The following NFIC variants were observed in gnomAD, a reference collection of about 807,000 sequenced individuals.
The protein encoded by NFIC is nuclear factor I C.
NFIC carries 12 observed loss-of-function variants against 54.4 expected under a neutral mutation model. The observed-to-expected ratio is 0.22, with a 90% CI of 0.14 to 0.36. The LOEUF is 0.36. Among genes scored for constraint, NFIC ranks in the 10% least tolerant of loss-of-function variants. NFIC has a pLI of 1.00. For synonymous variants in NFIC, 322 were observed against 319.2 expected, an observed-to-expected ratio of 1.01 and a Z score of -0.09; for missense variants, 575 against 718.2, an observed-to-expected ratio of 0.80 and a Z score of 2.28.
chr19:3,366,098 GA>G (rs1307094570), upstream of NFIC, among the ~76,000 whole-genome samples: 2 of 149,522 alleles, frequency 1.3e-5, no homozygotes, highest in African/African-American at 2.4e-5. Flanking sequence ...GGGGGGTGGG[GA>G]GGGGGGGCCT....
rs150281059 is a variant in NFIC at position 3,459,180 on chromosome 19, C to T, written c.1509+2545C>T. ...TTCGCTTCCCTCTGCCCCCTCCTCC[C>T]CCAAAGCCTGGGTGGGCGCGCCTTT... is the stretch of plus-strand genomic sequence containing the variant. On this transcript the variant is annotated intron_variant, in intron 10 of 10. Transcript: ENST00000443272. This position sits in a 1 kb window ranked among gnomAD's most constrained non-coding sequence, Gnocchi z 4.2. 7.6e-4 allele frequency among the ~76,000 whole-genome samples: 115 copies of T among 152,058 alleles called. No individual in the cohort carries two copies. The highest frequency in any genetic ancestry group is 2.7e-3 in the African/African-American group (112 of 41,484).
intron 2 of NFIC, among the ~76,000 whole-genome samples, chr19:3,408,086 C>T (rs1275488674): frequency 2.0e-5 from 3 of 152,072 alleles, no homozygotes; most frequent in Non-Finnish European, 4.4e-5. Context: ...GACGTGGCAG[C>T]CGGCAGAGCC....
chr19:3,452,666 G>C lies in NFIC; in HGVS notation c.1269G>C (p.Pro423=). The change falls in exon 8 of 11, where the codon CCG becomes CCC. Residue 423 remains proline, a splice_region_variant and synonymous_variant. Transcript: ENST00000443272. The surrounding 1 kb of genome is among the most constrained non-coding windows in gnomAD (Gnocchi z 5.3). ...ACDPASQQPG[P]LNGSGQLKMP... ...ACCCAGCCAGCCAGCAACCTGGACC[G>C]GTGAGTTGGGCGGGGCGCATTCGGG... 1.9e-6 allele frequency: 3 copies of C among 1,602,228 alleles called. No individual in the cohort carries two copies. The highest frequency in any genetic ancestry group is 2.6e-6 in the Non-Finnish European group (3 of 1,174,650).
intron 6 of NFIC, among the ~76,000 whole-genome samples, chr19:3,437,477 C>G (rs1023532843): frequency 2.0e-5 from 3 of 152,062 alleles, no homozygotes; most frequent in Non-Finnish European, 4.4e-5. Context: ...AGAGCAGGAA[C>G]ATTCCTAAAG....
rs868090613 is a variant in NFIC at position 3,459,385 on chromosome 19, C to A, written c.1509+2750C>A. 3.3e-5 allele frequency among the ~76,000 whole-genome samples: 5 copies of A among 152,184 alleles called. No homozygotes were observed. Among genetic ancestry groups the A allele is most frequent in the Admixed American group, 2.6e-4 (4 of 15,280 alleles). On this transcript the variant is annotated intron_variant, in intron 10 of 10. Coordinates refer to ENST00000443272, the MANE Select transcript of NFIC (RefSeq NM_001245002.2). The surrounding 1 kb of genome is among the most constrained non-coding windows in gnomAD (Gnocchi z 4.2). ...GGTGGCTCTGACGCCCTGGCCCCTC[C>A]CCTCTGTGATGTCCTTCACGCCCCT...
chr19:3,453,702 C>T lies in NFIC; in HGVS notation c.1270-61C>T, dbSNP rs898084915. 45 of 1,531,586 alleles carry T rather than the reference C, an allele frequency of 2.9e-5. No homozygotes were observed. The highest frequency in any genetic ancestry group is 3.8e-5 in the Non-Finnish European group (44 of 1,146,640). 94.9% of individuals were successfully genotyped at this position (1,531,586 alleles called of 1,614,324 possible). On this transcript the variant is annotated intron_variant, in intron 8 of 10. Coordinates refer to ENST00000443272, the MANE Select transcript of NFIC (RefSeq NM_001245002.2). The surrounding 1 kb of genome is among the most constrained non-coding windows in gnomAD (Gnocchi z 6.7). ...TGCACAGAGCCGGGGGCGGCCGGCG[C>T]CAGCAGCCCGAGGTAGAGGGGGAGC...
At chr19:3,443,422 CAAAA>C (rs1187383710) in intron 6 of NFIC, among the ~76,000 whole-genome samples, 1 of 133,772 alleles carries the variant, frequency 7.5e-6, no homozygotes. Flanking sequence ...GACCCTATCT[CAAAA>C]AAAAAAAAAG....
At chr19:3,380,629 T>C (rs78041134) in intron 1 of NFIC, among the ~76,000 whole-genome samples, 260 of 24,394 alleles carry the variant, frequency 0.011, 26 homozygotes, top group African/African-American at 0.068. Flanking sequence ...GCGCCCAGGC[T>C]TTTTTTTTTT....
At chr19:3,442,878 TGTGAGGACCACATTAAGAGAGGAGGCTA>T (rs1436111788) in intron 6 of NFIC, among the ~76,000 whole-genome samples, 1 of 152,238 alleles carries the variant, frequency 6.6e-6, no homozygotes, top group Non-Finnish European at 1.5e-5. Context: ...ACGGGGCAGC[TGTGAGGACCACATTAAGAGAGGAGGCTA>T]GTGCCTTCAC....
chr19:3,439,042 G>A (rs1312170403), intron 6 of NFIC, among the ~76,000 whole-genome samples: 1 of 151,966 alleles, frequency 6.6e-6, no homozygotes, highest in East Asian at 1.9e-4. Flanking sequence ...TTCTCCAGCT[G>A]TGTGACATTT....
chr19:3,398,858 G>A (rs1031529130), intron 2 of NFIC, among the ~76,000 whole-genome samples: 2 of 152,220 alleles, frequency 1.3e-5, no homozygotes, highest in Non-Finnish European at 2.9e-5. Flanking sequence ...GGCGTCCCCC[G>A]CGGCTCCCTC....
At chr19:3,364,663 G>A (rs2080859191), upstream of NFIC, among the ~76,000 whole-genome samples, 1 of 152,264 alleles carries the variant, frequency 6.6e-6, no homozygotes, top group Admixed American at 6.5e-5. Context: ...GGAAACCGAG[G>A]TTCCAAGAGG....
At chr19:3,461,469 T>C (rs577680713) in intron 10 of NFIC, among the ~76,000 whole-genome samples, 3 of 151,122 alleles carry the variant, frequency 2.0e-5, no homozygotes, top group East Asian at 3.9e-4. Context: ...ACGCCTGTAA[T>C]CCCAGCACTT....
At chr19:3,416,162 CAAAA>C (rs1228601674) in intron 2 of NFIC, among the ~76,000 whole-genome samples, 1 of 113,306 alleles carries the variant, frequency 8.8e-6, no homozygotes, top group Non-Finnish European at 1.9e-5. Context: ...GGCCCTGTCT[CAAAA>C]AAAAAAAAAA....
intron 1 of NFIC, among the ~76,000 whole-genome samples, chr19:3,367,206 C>G (rs893673387): frequency 2.0e-5 from 3 of 152,196 alleles, no homozygotes; most frequent in African/African-American, 4.8e-5. Flanking sequence ...GCCTTTCCCT[C>G]GTTATTGGCC....
chr19:3,384,308 C>CCT (rs1005432331), intron 2 of NFIC, among the ~76,000 whole-genome samples: 3 of 152,016 alleles, frequency 2.0e-5, no homozygotes, highest in African/African-American at 7.2e-5. Context: ...CTCAAGCCAT[C>CCT]CTCCCACCTT....
chr19:3,425,857 C>T (rs779042305), intron 3 of NFIC, among the ~76,000 whole-genome samples: 3 of 149,130 alleles, frequency 2.0e-5, no homozygotes, highest in Non-Finnish European at 4.4e-5. Context: ...TAGGCTCAAG[C>T]GATCCTCCTG....
chr19:3,401,921 C>G (rs2145539714), intron 2 of NFIC, among the ~76,000 whole-genome samples: 1 of 152,114 alleles, frequency 6.6e-6, no homozygotes, highest in Admixed American at 6.6e-5. Context: ...GGAGTTGCAC[C>G]ATGTTGGCCA....
At chr19:3,419,703 G>A (rs550541687) in intron 2 of NFIC, among the ~76,000 whole-genome samples, 1 of 151,696 alleles carries the variant, frequency 6.6e-6, no homozygotes, top group East Asian at 1.9e-4. Flanking sequence ...GGAGGCTCAG[G>A]CAGGAGAATC....
Sources: allele counts gnomAD v4.1 joint callset (sites outside exome capture counted in the v4.1 genomes callset), GRCh38; gene constraint gnomAD v4.1.1; non-coding constraint Gnocchi (gnomAD v3.1); transcripts MANE v1.5; gene names NCBI Gene and HGNC (gene_info 2026-07-23, HGNC 2026-07-21).